The following ARPC1B variants were observed in gnomAD, a reference collection of about 807,000 sequenced individuals.
ARPC1B encodes actin related protein 2/3 complex subunit 1B.
ARPC1B carries 29 observed loss-of-function variants against 46.0 expected under a neutral mutation model. That is an observed-to-expected ratio of 0.63 (90% CI 0.47 to 0.86). The LOEUF is 0.86. ARPC1B is among the 40% of genes least tolerant of loss of function. The probability of loss-of-function intolerance (pLI) is 0.00; values close to 1 mark genes in which losing one functional copy is unlikely to be tolerated. For synonymous variants in ARPC1B, 201 were observed against 213.9 expected (o/e 0.94, Z 0.53); for missense variants, 469 against 529.4 (o/e 0.89, Z 1.12).
intron 1 of ARPC1B, among the ~76,000 whole-genome samples, chr7:99,380,374 T>C (rs1299048452): frequency 6.6e-6 from 1 of 152,142 alleles, no homozygotes; most frequent in East Asian, 1.9e-4. Context: ...GCAGAAGTTA[T>C]GGAAAAAGGG....
chr7:99,379,845 A>G (rs921134311), intron 1 of ARPC1B, among the ~76,000 whole-genome samples: 1 of 146,500 alleles, frequency 6.8e-6, no homozygotes, highest in African/African-American at 2.6e-5. Flanking sequence ...GGGTTTTGCC[A>G]TGTTGGCCAG....
chr7:99,376,061 C>CAA (rs1055447800), intron 1 of ARPC1B, among the ~76,000 whole-genome samples: 2,946 of 96,206 alleles, frequency 0.031, 66 homozygotes, highest in African/African-American at 0.056. Context: ...GACTCCGTCT[C>CAA]AAAAAAAAAA....
intron 3 of ARPC1B, 80 bp downstream of exon 3, chr7:99,386,869 T>A: frequency 1.9e-6 from 2 of 1,053,496 alleles, no homozygotes. Context: ...GCATGGCCAC[T>A]CATTGTGGAG....
In ARPC1B at chr7:99,389,995, C is replaced by CTG. The variant is rs1562816635; in HGVS notation, c.486_487dup (p.Asp163ValfsTer33). 1 of 1,614,116 alleles carries CTG rather than the reference C, an allele frequency of 6.2e-7. No homozygotes were observed. Among genetic ancestry groups the CTG allele is most frequent in the Non-Finnish European group, 8.5e-7 (1 of 1,180,010 alleles). ...ACAATGTGCTGCTGGCTGCCGGCTC[C>CTG]TGTGACTTCAAGTGTCGGTGAGACA... On this transcript the variant is annotated frameshift_variant, in exon 5 of 10. Transcript: ENST00000646101. LOFTEE classifies it high-confidence loss of function.
intron 1 of ARPC1B, among the ~76,000 whole-genome samples, chr7:99,379,731 G>C (rs898705749): frequency 1.3e-5 from 2 of 152,054 alleles, no homozygotes; most frequent in East Asian, 3.9e-4. Flanking sequence ...CAGGACTTTA[G>C]AGTGCCTCAC....
rs367644479 is a variant in ARPC1B, at chr7:99,388,283, G to C, written c.392+22G>C. 33 of 1,611,064 alleles carry C rather than the reference G, an allele frequency of 2.0e-5. No individual in the cohort carries two copies. The African/African-American group carries it at 3.6e-4, about 18-fold the overall frequency. Reference sequence around the variant, plus strand: ...ACTGGTGGGTACCTAGGCAGGGCCAGAGTGGGCTGTTAGGGACCGGGGGCA... The same window carrying C: ...ACTGGTGGGTACCTAGGCAGGGCCACAGTGGGCTGTTAGGGACCGGGGGCA... On this transcript the variant is annotated intron_variant, in intron 4 of 9. Transcript: ENST00000646101.
In ARPC1B at chr7:99,390,803, T is replaced by C. The variant is rs1794547985; in HGVS notation, c.501-90T>C. The C allele has an allele frequency of 3.3e-6, 4 of 1,216,874 alleles. No homozygotes were observed. The African/African-American group carries it at 4.5e-5, about 14-fold the overall frequency. The allele number at this position is 1,216,874 out of a possible 1,614,324, so 75.4% of individuals were successfully genotyped here. ...GCCTTGACCTCCTGGGTTCAAGCAA[T>C]CCTCCCGCCTCAGCCTCCTGAGTAG... On this transcript the variant is annotated intron_variant, in intron 5 of 9. Coordinates refer to ENST00000646101, the MANE Select transcript of ARPC1B (RefSeq NM_005720.4).
At chr7:99,383,694 T>C (rs1584402605) in intron 1 of ARPC1B, among the ~76,000 whole-genome samples, 2 of 152,112 alleles carry the variant, frequency 1.3e-5, no homozygotes, top group Non-Finnish European at 2.9e-5. Context: ...GCGAGAGCCG[T>C]GTGTGCCGGT....
At chr7:99,381,287 A>G (rs891448952) in intron 1 of ARPC1B, among the ~76,000 whole-genome samples, 3 of 152,118 alleles carry the variant, frequency 2.0e-5, no homozygotes, top group Non-Finnish European at 4.4e-5. Context: ...CGTGTGTGCA[A>G]GGCTGAACAT....
At chr7:99,375,593 C>T (rs574235057) in intron 1 of ARPC1B, among the ~76,000 whole-genome samples, 6 of 152,184 alleles carry the variant, frequency 3.9e-5, no homozygotes, top group African/African-American at 1.4e-4. Context: ...TCAGACCTCC[C>T]CCTGCCTCCT....
At chr7:99,388,507 C>A in intron 4 of ARPC1B, 1 of 519,172 alleles carries the variant, frequency 1.9e-6, no homozygotes. Context: ...CCTGCACACA[C>A]ATTAGTCCTG....
intron 1 of ARPC1B, among the ~76,000 whole-genome samples, chr7:99,383,845 C>G (rs771452428): frequency 2.6e-5 from 4 of 152,048 alleles, no homozygotes; most frequent in Non-Finnish European, 4.4e-5. Flanking sequence ...ACATCCATCA[C>G]AGGCTAAGAG....
At position 99,375,886 on chromosome 7, in the gene ARPC1B, AC is replaced by A. The variant is rs1431116998; in HGVS notation, c.-14+1108del. On this transcript the variant is annotated intron_variant, in intron 1 of 9. Transcript: ENST00000646101. ...AGACTAGCCTGACCGACATGGTGAA[AC>A]CCTGTCTCTACTAAAAATACAAAAA... Among the ~76,000 whole-genome samples the A allele has an allele frequency of 3.3e-5, 5 of 152,158 alleles. No individual in the cohort carries two copies. The South Asian group carries it at 1.0e-3, about 32-fold the overall frequency.
intron 1 of ARPC1B, among the ~76,000 whole-genome samples, chr7:99,380,218 G>A (rs567796451): frequency 6.6e-6 from 1 of 152,156 alleles, no homozygotes; most frequent in African/African-American, 2.4e-5. Context: ...GAGTGTCCCC[G>A]GCTAGAATCC....
In ARPC1B at chr7:99,389,967, C is replaced by T. The variant is rs1409693258; in HGVS notation, c.455C>T (p.Pro152Leu). The T allele has an allele frequency of 6.2e-7, 1 of 1,614,212 alleles. No homozygotes were observed. Among genetic ancestry groups the T allele is most frequent in the Admixed American group, 1.7e-5 (1 of 60,014 alleles). Reference sequence around the variant, plus strand: ...ACCGTCCTCAGCCTGGACTGGCACCCCAACAATGTGCTGCTGGCTGCCGGC... The same window carrying T: ...ACCGTCCTCAGCCTGGACTGGCACCTCAACAATGTGCTGCTGGCTGCCGGC... ...RSTVLSLDWH[P>L]NNVLLAAGSC... The change falls in exon 5 of 10, where the codon CCC (proline) becomes CTC (leucine). Residue 152 changes from proline (P) to leucine (L), a missense_variant. Transcript: ENST00000646101.
chr7:99,376,342 T>C (rs1307769462), intron 1 of ARPC1B: 4 of 152,152 alleles, frequency 2.6e-5, no homozygotes, highest in African/African-American at 7.2e-5. Context: ...CCTTAAAGAC[T>C]GGGAGGCTGA....
rs1377272886 is a variant in ARPC1B, at chr7:99,392,884, C to T, written c.989+8C>T. On this transcript the variant is annotated splice_region_variant and intron_variant, in intron 8 of 9. Transcript: ENST00000646101. ...GCACAAGAACAGCGTCAGGTGAGAG[C>T]GGGAGCCGGGCCGGCGGGTGGGCGG... 3.3e-6 allele frequency: 5 copies of T among 1,529,542 alleles called. No homozygotes were observed. The highest frequency in any genetic ancestry group is 4.4e-6 in the Non-Finnish European group (5 of 1,133,654). The allele number at this position is 1,529,542 out of a possible 1,614,324, so 94.7% of individuals were successfully genotyped here. A position where few individuals can be genotyped will look rare whatever the true frequency, so the allele number is the denominator to read the frequency against.
chr7:99,384,129 A>AC (rs1038780988), intron 1 of ARPC1B: 2 of 152,160 alleles, frequency 1.3e-5, no homozygotes, highest in Non-Finnish European at 2.9e-5. Flanking sequence ...CCGTGATCTC[A>AC]CCCCCGTCAG....
chr7:99,392,613 T>C (rs10251282), intron 7 of ARPC1B, 58 bp from the exon 8 acceptor site: 65,884 of 1,409,156 alleles, frequency 0.047, 2,053 homozygotes, highest in African/African-American at 0.15. Flanking sequence ...CGCCTGGCCT[T>C]CCCTCCGGCC....
Sources: allele counts gnomAD v4.1 joint callset (sites outside exome capture counted in the v4.1 genomes callset), GRCh38; gene constraint gnomAD v4.1.1; transcripts MANE v1.5; gene names NCBI Gene and HGNC (gene_info 2026-07-23, HGNC 2026-07-21).